Variants in RELN observed in about 807,000 individuals in gnomAD.
RELN encodes the protein reelin.
RELN carries 108 observed loss-of-function variants against 427.6 expected under a neutral mutation model. That is an observed-to-expected ratio of 0.25 (90% CI 0.22 to 0.30). The LOEUF (loss-of-function observed/expected upper bound fraction) is 0.30, where lower values mean the gene tolerates loss of function less well. Among genes scored for constraint, RELN ranks in the 10% least tolerant of loss-of-function variants. RELN has a pLI of 1.00. For missense variants in RELN, 3,715 were observed against 4,302.8 expected, an observed-to-expected ratio of 0.86 and a Z score of 3.82; for synonymous variants, 1,524 against 1,513.4, an observed-to-expected ratio of 1.01 and a Z score of -0.16.
intron 3 of RELN, among the ~76,000 whole-genome samples, chr7:103,786,444 C>T (rs1470261562): frequency 6.7e-6 from 1 of 149,846 alleles, no homozygotes; most frequent in Non-Finnish European, 1.5e-5. Flanking sequence ...ATTCAGGAGA[C>T]CCATCTCATG....
intron 20 of RELN, among the ~76,000 whole-genome samples, chr7:103,622,064 T>A (rs547047622): frequency 1.3e-5 from 2 of 152,292 alleles, no homozygotes; most frequent in Admixed American, 1.3e-4. Flanking sequence ...AATTTCTGTT[T>A]CAACAAACCA....
intron 47 of RELN, 70 bp from the exon 48 acceptor site, chr7:103,522,269 G>C: frequency 6.9e-7 from 1 of 1,457,348 alleles, no homozygotes; most frequent in Non-Finnish European, 9.6e-7. Context: ...TCTCAAATTA[G>C]TGAAGACTAC....
chr7:103,683,773 A>G (rs1833703555), intron 10 of RELN, among the ~76,000 whole-genome samples: 1 of 152,164 alleles, frequency 6.6e-6, no homozygotes, highest in Admixed American at 6.6e-5. Flanking sequence ...ATAGACTGAC[A>G]TATTACCAAA....
At chr7:103,487,962 G>A (rs957093474) in intron 60 of RELN, among the ~76,000 whole-genome samples, 3 of 151,536 alleles carry the variant, frequency 2.0e-5, no homozygotes, top group African/African-American at 7.3e-5. Context: ...TGACTAACAC[G>A]GTGAAACCCC....
chr7:103,716,183 T>C (rs1262553137), intron 8 of RELN, among the ~76,000 whole-genome samples: 1 of 152,190 alleles, frequency 6.6e-6, no homozygotes. Flanking sequence ...TGTCAATCTC[T>C]TTCCCAAATA....
chr7:103,481,676 G>A (rs1051985965), intron 63 of RELN, among the ~76,000 whole-genome samples: 1 of 152,134 alleles, frequency 6.6e-6, no homozygotes, highest in African/African-American at 2.4e-5. Context: ...AAGTAGCCAG[G>A]GTAAAATGGT....
At chr7:103,545,839 T>G (rs1272723804) in intron 41 of RELN, among the ~76,000 whole-genome samples, 2 of 152,162 alleles carry the variant, frequency 1.3e-5, no homozygotes, top group Non-Finnish European at 2.9e-5. Flanking sequence ...TTTCACCATC[T>G]TGGCCAGGCT....
intron 4 of RELN, among the ~76,000 whole-genome samples, chr7:103,762,998 A>C (rs1022268286): frequency 6.6e-6 from 1 of 152,222 alleles, no homozygotes; most frequent in African/African-American, 2.4e-5. Flanking sequence ...AGTTACAGAA[A>C]TAGAAGAGTT....
chr7:103,691,162 T>G (rs1284742197), intron 10 of RELN, among the ~76,000 whole-genome samples: 1 of 152,156 alleles, frequency 6.6e-6, no homozygotes, highest in Non-Finnish European at 1.5e-5. Flanking sequence ...CAGGGCTGAC[T>G]TCAACTTGTG....
intron 64 of RELN, chr7:103,476,742 T>G (rs749674767): frequency 2.4e-6 from 1 of 408,358 alleles, no homozygotes; most frequent in South Asian, 1.9e-5. Context: ...TCTAACAGCA[T>G]TGGGAATTAG....
intron 3 of RELN, among the ~76,000 whole-genome samples, chr7:103,825,807 T>C (rs555118006): frequency 1.8e-4 from 27 of 152,236 alleles, no homozygotes; most frequent in African/African-American, 6.3e-4. Context: ...GAATTCAAAC[T>C]TAAATAGCCA....
chr7:103,812,695 C>G (rs1049739579), intron 3 of RELN, among the ~76,000 whole-genome samples: 1 of 152,190 alleles, frequency 6.6e-6, no homozygotes, highest in Non-Finnish European at 1.5e-5. Context: ...CTGAATTAAT[C>G]TGTAATCAAG....
In RELN at chr7:103,630,148, C is replaced by A; in HGVS notation, c.2494G>T (p.Ala832Ser). 6.2e-7 allele frequency: 1 copy of A among 1,612,016 alleles called. No homozygotes were observed. Among genetic ancestry groups the A allele is most frequent in the South Asian group, 1.1e-5 (1 of 91,006 alleles). The change falls in exon 20 of 65, where the codon GCA (alanine) becomes TCA (serine). Residue 832 changes from alanine to serine, a missense_variant. By Grantham distance (99) the Ala-to-Ser change is moderately conservative (BLOSUM62 1). Transcript: ENST00000428762. ...CTGAACTGAATTCCAAACTGCTTTG[C>A]ATCACCTGGTAGTTCTACGGAGATT... ...RIISVELPGD[A>S]KQFGIQFRWW... is the part of the protein sequence containing the mutation.
In RELN at chr7:103,611,599, A is replaced by G. The variant is rs368245637; in HGVS notation, c.2895+12T>C. ...GGTTACCTGTTACAAGGTTTAAGGA[A>G]ACTAGACTTACTTCTTGGACGAGGT... is the stretch of plus-strand genomic sequence containing the variant. On this transcript the variant is annotated intron_variant, in intron 21 of 64. Coordinates refer to ENST00000428762, the MANE Select transcript of RELN (RefSeq NM_005045.4). 1.2e-6 allele frequency: 2 copies of G among 1,611,850 alleles called. No homozygotes were observed. The highest frequency in any genetic ancestry group is 2.7e-5 in the African/African-American group (2 of 74,662).
chr7:103,674,489 T>A (rs1833468300), intron 11 of RELN, among the ~76,000 whole-genome samples: 1 of 152,172 alleles, frequency 6.6e-6, no homozygotes, highest in East Asian at 1.9e-4. Context: ...CTCTCTTAGT[T>A]TCAGTGGAAA....
At position 103,623,792 on chromosome 7, in the gene RELN, G is replaced by C. The variant is rs559087258; in HGVS notation, c.2702+6148C>G. Among the ~76,000 whole-genome samples, 4 of 152,300 alleles carry C rather than the reference G, an allele frequency of 2.6e-5. No individual in the cohort carries two copies. The East Asian group carries it at 7.7e-4, about 29-fold the overall frequency. On this transcript the variant is annotated intron_variant, in intron 20 of 64. Transcript: ENST00000428762. ...CTGTGTGCAGATCCTTCTGGGGCCT[G>C]AATGTCCCTACAGAAGCAGGTTTGT...
At chr7:103,854,469 G>T (rs759261509) in intron 2 of RELN, among the ~76,000 whole-genome samples, 2 of 151,934 alleles carry the variant, frequency 1.3e-5, no homozygotes, top group Admixed American at 6.6e-5. Flanking sequence ...TTTTATTGAG[G>T]TATAACATAC....
In RELN at chr7:103,495,918, G is replaced by A. The variant is rs952484435; in HGVS notation, c.9194-20C>T. 2 of 1,612,352 alleles carry A rather than the reference G, an allele frequency of 1.2e-6. No individual in the cohort carries two copies. Among genetic ancestry groups the A allele is most frequent in the Admixed American group, 1.7e-5 (1 of 59,978 alleles). On this transcript the variant is annotated intron_variant, in intron 56 of 64. Transcript: ENST00000428762. ...TGCCTTCTGTTAAGGAAAATTGGAA[G>A]CAATATGGCATATTATTCTCTTGAG...
intron 8 of RELN, among the ~76,000 whole-genome samples, chr7:103,703,169 A>AC (rs1165005275): frequency 6.6e-6 from 1 of 151,406 alleles, no homozygotes; most frequent in Non-Finnish European, 1.5e-5. Context: ...TGGAAGGAGC[A>AC]CCCCCCAAGA....
Sources: allele counts gnomAD v4.1 joint callset (sites outside exome capture counted in the v4.1 genomes callset), GRCh38; gene constraint gnomAD v4.1.1; transcripts MANE v1.5; gene names NCBI Gene and HGNC (gene_info 2026-07-23, HGNC 2026-07-21).